Variants in PAX6 observed in about 807,000 individuals in gnomAD.
The protein encoded by PAX6 is paired box protein Pax-6.
Under a neutral mutation model 60.7 loss-of-function variants are expected in PAX6, and 7 were observed. The ratio of observed to expected loss-of-function variants is 0.12; its 90% confidence interval spans 0.07 to 0.22. The LOEUF is 0.22. Among genes scored for constraint, PAX6 ranks in the 10% least tolerant of loss-of-function variants. The pLI is 1.00. For synonymous variants in PAX6, 208 were observed against 201.2 expected, an observed-to-expected ratio of 1.03 and a Z score of -0.29; for missense variants, 355 against 555.2, an observed-to-expected ratio of 0.64 and a Z score of 3.62.
chr11:31,797,499 T>A (rs12278282), intron 8 of PAX6, among the ~76,000 whole-genome samples: 3 of 91,370 alleles, frequency 3.3e-5, no homozygotes, highest in African/African-American at 1.3e-4. Context: ...AGCTCAATTT[T>A]AAATCTGGAA....
intron 8 of PAX6, among the ~76,000 whole-genome samples, chr11:31,798,199 G>A (rs1245417007): frequency 6.6e-6 from 1 of 151,856 alleles, no homozygotes; most frequent in Non-Finnish European, 1.5e-5. Context: ...TGGGTATTAT[G>A]GGGGGTGGGG....
chr11:31,796,691 G>A (rs1464873216), intron 8 of PAX6, among the ~76,000 whole-genome samples: 1 of 151,962 alleles, frequency 6.6e-6, no homozygotes, highest in Non-Finnish European at 1.5e-5. Flanking sequence ...GGAAAAGAAG[G>A]CTCAAAAAAC....
chr11:31,790,095 T>TAAAAAAA, intron 13 of PAX6, 76 bp from the exon 14 acceptor site: 1 of 61,314 alleles, frequency 1.6e-5, no homozygotes, highest in Non-Finnish European at 2.6e-5. Context: ...TTTATAGGTT[T>TAAAAAAA]ACAAAAAAAA....
chr11:31,800,614 G>A, intron 8 of PAX6, 77 bp downstream of exon 8: 1 of 1,537,340 alleles, frequency 6.5e-7, no homozygotes, highest in South Asian at 1.1e-5. Flanking sequence ...GCCCTGAGAG[G>A]AAATGGTTGG....
At chr11:31,813,669 G>A (rs1445496306), upstream of PAX6, among the ~76,000 whole-genome samples, 1 of 152,078 alleles carries the variant, frequency 6.6e-6, no homozygotes, top group Non-Finnish European at 1.5e-5. Context: ...GGGGAAGGGG[G>A]CTCCGGGAAA....
In PAX6 at chr11:31,798,922, C is replaced by T. The variant is rs938446127; in HGVS notation, c.565+1769G>A. Among the ~76,000 whole-genome samples the T allele has an allele frequency of 3.3e-5, 5 of 152,196 alleles. No homozygotes were observed. The East Asian group carries it at 7.7e-4, about 24-fold the overall frequency. On this transcript the variant is annotated intron_variant, in intron 8 of 13. Transcript: ENST00000640368. Reference sequence around the variant, plus strand: ...AGGGGGGTGTATCCTGCGCCCCAAGCTCATGGGAGCCCACGCACCGGGGAG... The same window carrying T: ...AGGGGGGTGTATCCTGCGCCCCAAGTTCATGGGAGCCCACGCACCGGGGAG...
intron 7 of PAX6, chr11:31,801,217 G>C: frequency 7.8e-7 from 1 of 1,289,856 alleles, no homozygotes; most frequent in South Asian, 1.6e-5. Flanking sequence ...GGATGGAAAT[G>C]GATGTGTGAC....
chr11:31,790,200 C>A, intron 13 of PAX6, 181 bp from the exon 14 acceptor site: 1 of 604,776 alleles, frequency 1.7e-6, no homozygotes, highest in Non-Finnish European at 2.9e-6. Flanking sequence ...AGAAACTAGA[C>A]AATATATGTA....
At chr11:31,794,540 C>CA in intron 9 of PAX6, 90 bp downstream of exon 9, 1 of 1,313,754 alleles carries the variant, frequency 7.6e-7, no homozygotes. Flanking sequence ...TTCTTCTATG[C>CA]AAAGGGCCCT....
At chr11:31,801,517 ATTGGGCT>A in intron 7 of PAX6, 37 bp downstream of exon 7, 1 of 1,613,644 alleles carries the variant, frequency 6.2e-7, no homozygotes, top group Non-Finnish European at 8.5e-7. Flanking sequence ...AGGAGAGAGC[ATTGGGCT>A]TAGGGCAGGG....
chr11:31,815,440 G>A (rs1329549567), upstream of PAX6, among the ~76,000 whole-genome samples: 1 of 152,048 alleles, frequency 6.6e-6, no homozygotes, highest in Admixed American at 6.6e-5. Context: ...AAAGGCCAAC[G>A]ACCCGGTCCT....
At chr11:31,790,090 AG>A in intron 13 of PAX6, 71 bp from the exon 14 acceptor site, 1 of 252,788 alleles carries the variant, frequency 4.0e-6, no homozygotes, top group East Asian at 9.9e-5. Context: ...ACAAATTTAT[AG>A]GTTTACAAAA....
upstream of PAX6, chr11:31,811,711 G>A (rs1957040581): frequency 6.5e-6 from 1 of 153,372 alleles, no homozygotes; most frequent in Admixed American, 6.5e-5. Context: ...CCAACTCCAG[G>A]ACAGCGTGGC....
At chr11:31,802,531 T>A in intron 5 of PAX6, 173 bp downstream of exon 5, 1 of 580,546 alleles carries the variant, frequency 1.7e-6, no homozygotes, top group Non-Finnish European at 2.9e-6. Flanking sequence ...GGAAGGATGG[T>A]GGAAGGAGAG....
chr11:31,804,003 G>C (rs552229327), intron 4 of PAX6: 11 of 152,318 alleles, frequency 7.2e-5, no homozygotes, highest in Admixed American at 5.9e-4. Flanking sequence ...GTGGCTCCCT[G>C]TTCAGCTCTC....
intron 12 of PAX6, chr11:31,792,500 G>GA (rs1213942581): frequency 7.2e-5 from 11 of 152,212 alleles, no homozygotes; most frequent in African/African-American, 2.7e-4. Context: ...TGTAGCCCCA[G>GA]AACTGTTTCC....
chr11:31,800,388 G>C (rs1382641699), intron 8 of PAX6: 1 of 517,978 alleles, frequency 1.9e-6, no homozygotes, highest in African/African-American at 1.9e-5. Flanking sequence ...TGTCAAATTT[G>C]AATAGTGCAC....
At position 31,789,876 on chromosome 11, in the gene PAX6, A is replaced by G. The variant is rs775315951; in HGVS notation, c.*58T>C. The stretch of plus-strand genomic sequence containing the variant: ...CTGAAAGCTCAACTGTTGTGTCCCC[A>G]TAGTCACTGACTGAATTAACACAAT... On this transcript the variant is annotated 3_prime_UTR_variant, in exon 14 of 14. Transcript: ENST00000640368. 2.5e-5 allele frequency: 36 copies of G among 1,452,358 alleles called. No individual in the cohort carries two copies. The highest frequency in any genetic ancestry group is 1.7e-4 in the Middle Eastern group (1 of 5,742). The allele number at this position is 1,452,358 out of a possible 1,614,324, so 90.0% of individuals were successfully genotyped here. A position where few individuals can be genotyped will look rare whatever the true frequency, so the allele number is the denominator to read the frequency against.
intron 3 of PAX6, 119 bp from the exon 4 acceptor site, chr11:31,806,581 A>T: frequency 2.6e-6 from 2 of 782,536 alleles, no homozygotes; most frequent in East Asian, 5.4e-5. Context: ...GAATTGATCC[A>T]CTCAACCTCT....
Sources: gnomAD v4.1 joint callset for allele counts (sites outside exome capture counted in the v4.1 genomes callset) on GRCh38, gnomAD v4.1.1 for gene constraint, MANE v1.5 for transcripts, NCBI Gene and HGNC (gene_info 2026-07-23, HGNC 2026-07-21) for gene names.